Variants in PMPCB observed in about 807,000 individuals in gnomAD.
PMPCB encodes peptidase, mitochondrial processing subunit beta, also known as mitochondrial-processing peptidase subunit beta.
Under a neutral mutation model 61.5 loss-of-function variants are expected in PMPCB, and 46 were observed. The ratio of observed to expected loss-of-function variants is 0.75; its 90% CI spans 0.59 to 0.96. PMPCB has a LOEUF of 0.96. PMPCB is among the 40% of genes least tolerant of loss of function. The pLI, the probability that PMPCB is intolerant of heterozygous loss-of-function variation, is 0.00. For synonymous variants in PMPCB, 191 were observed against 201.6 expected, an observed-to-expected ratio of 0.95 and a Z score of 0.44; for missense variants, 590 against 602.4, an observed-to-expected ratio of 0.98 and a Z score of 0.22.
At chr7:103,302,065 C>T (rs1472842211) in intron 4 of PMPCB, among the ~76,000 whole-genome samples, 2 of 152,000 alleles carry the variant, frequency 1.3e-5, no homozygotes, top group Non-Finnish European at 2.9e-5. Context: ...GTTTTTTGTC[C>T]TTGTGATAGT....
chr7:103,316,905 C>A, downstream of PMPCB: 14 of 1,614,042 alleles, frequency 8.7e-6, no homozygotes, highest in Non-Finnish European at 1.0e-5. Context: ...CCAATTTTTA[C>A]TTCCATTTCC....
At chr7:103,328,934 A>G (rs1427949782) in exon 13 of PMPCB, 2 of 1,079,104 alleles carry the variant, frequency 1.9e-6, no homozygotes, top group Admixed American at 2.8e-5. Context: ...TTCTTAGGAT[A>G]TAATCACAGA....
chr7:103,333,739 T>A (rs113048314), downstream of PMPCB, among the ~76,000 whole-genome samples: 2 of 152,338 alleles, frequency 1.3e-5, no homozygotes, highest in African/African-American at 2.4e-5. Flanking sequence ...TTCAAGTAGA[T>A]GTAACTTACA....
chr7:103,330,841 C>CAA (rs1818940249), downstream of PMPCB, among the ~76,000 whole-genome samples: 1 of 151,936 alleles, frequency 6.6e-6, no homozygotes, highest in South Asian at 2.1e-4. Flanking sequence ...CCTGGCCTCC[C>CAA]AAAGTGCTAG....
intron 3 of PMPCB, among the ~76,000 whole-genome samples, 165 bp from the exon 4 acceptor site, chr7:103,300,013 G>T (rs1817405588): frequency 6.6e-6 from 1 of 152,162 alleles, no homozygotes; most frequent in Non-Finnish European, 1.5e-5. Context: ...TTCTCAAAGT[G>T]CTGGGGTTAC....
downstream of PMPCB, chr7:103,317,057 T>C (rs1446761595): frequency 5.2e-6 from 8 of 1,530,840 alleles, no homozygotes; most frequent in South Asian, 4.6e-5. Context: ...GTATACTGTA[T>C]TGCTATTCTA....
intron 12 of PMPCB, chr7:103,327,633 C>G: frequency 1.4e-6 from 2 of 1,463,800 alleles, no homozygotes; most frequent in Non-Finnish European, 1.9e-6. Context: ...TTAGAAATTC[C>G]TGACTCTAAA....
intron 12 of PMPCB, among the ~76,000 whole-genome samples, chr7:103,323,224 C>T (rs894871695): frequency 3.9e-5 from 6 of 152,300 alleles, no homozygotes; most frequent in Admixed American, 3.9e-4. Flanking sequence ...GCCAGCACGC[C>T]CGGCCTAAAC....
At position 103,311,359 on chromosome 7, in the gene PMPCB, C is replaced by A. The variant is rs1817745464; in HGVS notation, c.1155-284C>A. ...TAACCCATAGCATATCAGACTCCAACAGATGAGGACTCATGAAGTCTCAAG... is the reference window on the plus strand; with the variant it reads ...TAACCCATAGCATATCAGACTCCAAAAGATGAGGACTCATGAAGTCTCAAG... On this transcript the variant is annotated intron_variant, in intron 9 of 12. Transcript: ENST00000249269. 1.2e-5 allele frequency: 5 copies of A among 420,284 alleles called. No homozygotes were observed. The South Asian group carries it at 2.0e-4, about 17-fold the overall frequency. The allele number at this position is 420,284 out of a possible 1,614,324, so 26.0% of individuals were successfully genotyped here.
chr7:103,319,594 G>A, downstream of PMPCB: 2 of 1,612,758 alleles, frequency 1.2e-6, no homozygotes, highest in Non-Finnish European at 1.7e-6. Context: ...TAGGAGTGAT[G>A]TGTTCCTCTA....
At chr7:103,302,516 A>G (rs1190924619) in intron 4 of PMPCB, among the ~76,000 whole-genome samples, 2 of 152,188 alleles carry the variant, frequency 1.3e-5, no homozygotes, top group Non-Finnish European at 1.5e-5. Flanking sequence ...CCATTTGTCT[A>G]TGGGCTCTTT....
intron 12 of PMPCB, chr7:103,324,712 A>C: frequency 2.6e-6 from 2 of 770,230 alleles, no homozygotes; most frequent in South Asian, 5.3e-5. Context: ...TGGAGCTGGA[A>C]GGTCAGCAGT....
At chr7:103,325,465 A>G (rs1386815635) in intron 12 of PMPCB, among the ~76,000 whole-genome samples, 2 of 151,768 alleles carry the variant, frequency 1.3e-5, no homozygotes, top group Admixed American at 6.6e-5. Flanking sequence ...AAAAAAACCA[A>G]AAAACAGGTG....
At chr7:103,311,939 C>A in intron 11 of PMPCB, 43 bp downstream of exon 11, 2 of 1,514,064 alleles carry the variant, frequency 1.3e-6, no homozygotes, top group Non-Finnish European at 1.8e-6. Context: ...GTAAAAAGAT[C>A]CTTGTTACAA....
the PMPCB span, among the ~76,000 whole-genome samples, chr7:103,347,037 T>C: frequency 6.6e-6 from 1 of 152,226 alleles, no homozygotes. Context: ...CTAGGTGGCA[T>C]GGTAATTATT....
At chr7:103,344,646 G>C in the PMPCB span, 1 of 1,604,360 alleles carries the variant, frequency 6.2e-7, no homozygotes, top group Non-Finnish European at 8.5e-7. Context: ...CTAGCCCGGT[G>C]GGCGCAGCGG....
chr7:103,319,573 C>G (rs1161418234), downstream of PMPCB: 1 of 1,597,300 alleles, frequency 6.3e-7, no homozygotes, highest in African/African-American at 1.3e-5. Flanking sequence ...GAATTAAATG[C>G]TACATATAGG....
Position 103,314,082 on chromosome 7 carries a change from TATA to T in PMPCB, c.*1815_*1817del, listed in dbSNP as rs1444757105. 4 of 985,264 alleles carry T rather than the reference TATA, an allele frequency of 4.1e-6. No homozygotes were observed. Among genetic ancestry groups the T allele is most frequent in the Non-Finnish European group, 4.8e-6 (4 of 829,924 alleles). 61.0% of individuals were successfully genotyped at this position (985,264 alleles called of 1,614,324 possible). ...TATTCAAAACAAAGCAGAGAATTTG[TATA>T]ATATTTGATGGTACCTAAGGTGCCT... On this transcript the variant is annotated 3_prime_UTR_variant, in exon 13 of 13. Coordinates refer to ENST00000249269, the MANE Select transcript of PMPCB (RefSeq NM_004279.3).
the PMPCB span, chr7:103,344,734 G>A: frequency 3.6e-6 from 4 of 1,122,798 alleles, no homozygotes; most frequent in East Asian, 4.9e-5. Context: ...TTGGCTCTAA[G>A]ACGCCCAGGA....
Sources: allele counts gnomAD v4.1 joint callset (sites outside exome capture counted in the v4.1 genomes callset), GRCh38; gene constraint gnomAD v4.1.1; transcripts MANE v1.5; gene names NCBI Gene and HGNC (gene_info 2026-07-23, HGNC 2026-07-21).